The following ELL2 variants were observed in gnomAD, a reference collection of about 807,000 sequenced individuals.
ELL2 encodes the protein elongation factor for RNA polymerase II 2, also known as RNA polymerase II elongation factor ELL2.
A neutral mutation model predicts 72.8 loss-of-function variants in ELL2; 21 were observed. The ratio of observed to expected loss-of-function variants is 0.29; its 90% CI spans 0.20 to 0.42. The LOEUF (loss-of-function observed/expected upper bound fraction) is 0.42, where lower values mean the gene tolerates loss of function less well. Ranked by LOEUF, ELL2 falls within the 10% of genes least tolerant of loss-of-function variation. The pLI, the probability that ELL2 is intolerant of heterozygous loss-of-function variation, is 1.00. For synonymous variants in ELL2, 266 were observed against 283.2 expected (o/e 0.94, Z 0.61); for missense variants, 568 against 772.8 (o/e 0.73, Z 3.14).
rs575963370 is a variant in ELL2, at chr5:95,947,613, C to G, written c.148-4564G>C. Among the ~76,000 whole-genome samples, 4 of 152,254 alleles carry G rather than the reference C, an allele frequency of 2.6e-5. No individual in the cohort carries two copies. The South Asian group carries it at 8.3e-4, about 32-fold the overall frequency. On this transcript the variant is annotated intron_variant, in intron 1 of 11. Coordinates refer to ENST00000237853, the MANE Select transcript of ELL2 (RefSeq NM_012081.6). ...TGAGTCTCTAAGAGGTAGAGTACAT[C>G]GCTTAGGATCACAGACCTGGTGATT... is the stretch of plus-strand genomic sequence containing the variant.
intron 2 of ELL2, among the ~76,000 whole-genome samples, chr5:95,940,560 A>G (rs1337243474): frequency 6.6e-6 from 1 of 152,178 alleles, no homozygotes; most frequent in Non-Finnish European, 1.5e-5. Flanking sequence ...TTAAAACGAT[A>G]TTTTAACAAT....
At chr5:95,935,448 A>T (rs1376976561) in intron 2 of ELL2, among the ~76,000 whole-genome samples, 1 of 152,212 alleles carries the variant, frequency 6.6e-6, no homozygotes, top group African/African-American at 2.4e-5. Flanking sequence ...GTAAACCAGT[A>T]TTCTTTAACA....
intron 5 of ELL2, among the ~76,000 whole-genome samples, chr5:95,903,875 G>T (rs577455570): frequency 6.6e-6 from 1 of 151,926 alleles, no homozygotes; most frequent in African/African-American, 2.4e-5. Context: ...CCATCCTTCC[G>T]CATCTCAGTC....
At chr5:95,955,823 A>T (rs1284214291) in intron 1 of ELL2, among the ~76,000 whole-genome samples, 1 of 151,752 alleles carries the variant, frequency 6.6e-6, no homozygotes, top group Non-Finnish European at 1.5e-5. Flanking sequence ...TTTCTCAAAC[A>T]ATCTAAAATA....
intron 4 of ELL2, 59 bp from the exon 5 acceptor site, chr5:95,906,841 A>G: frequency 6.8e-7 from 1 of 1,461,066 alleles, no homozygotes; most frequent in East Asian, 2.5e-5. Context: ...TGAGCACCTC[A>G]GTTTCCACAA....
chr5:95,929,375 C>T (rs1451244784), intron 2 of ELL2, among the ~76,000 whole-genome samples: 1 of 151,928 alleles, frequency 6.6e-6, no homozygotes, highest in Admixed American at 6.6e-5. Context: ...TCTCCTGCCT[C>T]AGCCTCCCGA....
chr5:95,945,542 C>T (rs540769074), intron 1 of ELL2, among the ~76,000 whole-genome samples: 9 of 152,108 alleles, frequency 5.9e-5, no homozygotes, highest in Non-Finnish European at 1.2e-4. Flanking sequence ...GGGCATAATC[C>T]CTCATGCCAG....
chr5:95,926,331 C>T (rs1750279698), intron 2 of ELL2, among the ~76,000 whole-genome samples: 1 of 151,982 alleles, frequency 6.6e-6, no homozygotes. Context: ...CAGGGAAGGG[C>T]AGAGGGTAGA....
chr5:95,907,294 A>ATTTTTTTTTTTTTT (rs201354039), intron 4 of ELL2, among the ~76,000 whole-genome samples: 67 of 79,550 alleles, frequency 8.4e-4, no homozygotes, highest in Middle Eastern at 6.4e-3. Context: ...ATATATATAT[A>ATTTTTTTTTTTTTT]TATTTTTTTT....
chr5:95,927,379 A>G lies in ELL2; in HGVS notation c.196-7834T>C, dbSNP rs1277371313. On this transcript the variant is annotated intron_variant, in intron 2 of 11. Coordinates refer to ENST00000237853, the MANE Select transcript of ELL2 (RefSeq NM_012081.6). ...TGTGTATATATAGACATACACACAC[A>G]CACGTGTGTATATATAGACATACAC... Among the ~76,000 whole-genome samples the G allele has an allele frequency of 8.0e-5, 7 of 87,764 alleles. 3 individuals are homozygous for G. The highest frequency in any genetic ancestry group is 3.5e-4 in the African/African-American group (6 of 17,166). The allele number at this position is 87,764 out of a possible 152,430, so 57.6% of individuals were successfully genotyped here.
chr5:95,903,749 A>G (rs1209479004), intron 5 of ELL2, among the ~76,000 whole-genome samples: 1 of 152,164 alleles, frequency 6.6e-6, no homozygotes, highest in Non-Finnish European at 1.5e-5. Flanking sequence ...ACCCTTACAT[A>G]TAACTATCTA....
At chr5:95,905,942 C>A (rs1222440227) in intron 5 of ELL2, among the ~76,000 whole-genome samples, 2 of 152,062 alleles carry the variant, frequency 1.3e-5, no homozygotes, top group African/African-American at 4.8e-5. Flanking sequence ...CTTTAAAAAA[C>A]AATGGCCTAC....
intron 7 of ELL2, 61 bp from the exon 8 acceptor site, chr5:95,898,871 C>A: frequency 3.1e-6 from 4 of 1,272,530 alleles, no homozygotes; most frequent in Non-Finnish European, 3.2e-6. Context: ...AAATTCAATA[C>A]ATGCATGGCT....
intron 5 of ELL2, among the ~76,000 whole-genome samples, chr5:95,902,349 G>A (rs897256794): frequency 6.6e-6 from 1 of 152,142 alleles, no homozygotes; most frequent in Non-Finnish European, 1.5e-5. Flanking sequence ...CATATGCCTA[G>A]AGAACCCCCA....
At chr5:95,946,080 A>T (rs1262222358) in intron 1 of ELL2, among the ~76,000 whole-genome samples, 1 of 152,122 alleles carries the variant, frequency 6.6e-6, no homozygotes, top group Non-Finnish European at 1.5e-5. Context: ...TTTGTATAAG[A>T]GAGTTGCTCA....
intron 9 of ELL2, 107 bp downstream of exon 9, chr5:95,895,519 ACT>A: frequency 4.1e-6 from 4 of 977,044 alleles, no homozygotes; most frequent in Non-Finnish European, 6.4e-6. Context: ...TGGCTCCAGG[ACT>A]CTATTTCTGG....
In ELL2 at chr5:95,895,655, G is replaced by A. The variant is rs1748844060; in HGVS notation, c.1562C>T (p.Ser521Leu). Residue 521 changes from serine to leucine, a missense_variant, in exon 9 of 12, where the codon TCA becomes TTA. Physicochemically the swap from Ser to Leu is moderately radical, Grantham distance 145. Coordinates refer to ENST00000237853, the MANE Select transcript of ELL2 (RefSeq NM_012081.6). ...KEDCTASMEP[S>L]AIELPDYLIK... ...CAAATAATCTGGGAGTTCAATTGCT[G>A]AAGGTTCCATGGAGGCAGTGCAATC... The A allele has an allele frequency of 1.2e-6, 2 of 1,613,928 alleles. No homozygotes were observed. The highest frequency in any genetic ancestry group is 1.3e-5 in the African/African-American group (1 of 74,908).
rs903771071 is a variant in ELL2 at position 95,943,057 on chromosome 5, A to C, written c.148-8T>G. ...TCGAAAAGGAATTAAATTCTATTAAAAGAAACAAAAGAAACAAACAGGTAA... is the reference window on the plus strand; with the variant it reads ...TCGAAAAGGAATTAAATTCTATTAACAGAAACAAAAGAAACAAACAGGTAA... On this transcript the variant is annotated splice_polypyrimidine_tract_variant and splice_region_variant and intron_variant, in intron 1 of 11. Coordinates refer to ENST00000237853, the MANE Select transcript of ELL2 (RefSeq NM_012081.6). 6 of 1,595,696 alleles carry C rather than the reference A, an allele frequency of 3.8e-6. No individual in the cohort carries two copies. In the African/African-American group the frequency reaches 8.1e-5, roughly 22 times the overall value.
chr5:95,935,298 T>A (rs1750733934), intron 2 of ELL2, among the ~76,000 whole-genome samples: 1 of 152,220 alleles, frequency 6.6e-6, no homozygotes, highest in Non-Finnish European at 1.5e-5. Context: ...ATTATTCCAC[T>A]AAATGAATAT....
Sources: gnomAD v4.1 joint callset for allele counts (sites outside exome capture counted in the v4.1 genomes callset) on GRCh38, gnomAD v4.1.1 for gene constraint, MANE v1.5 for transcripts, NCBI Gene and HGNC (gene_info 2026-07-23, HGNC 2026-07-21) for gene names.